The following VWA3B variants were observed in gnomAD, a reference collection of about 807,000 sequenced individuals.
VWA3B encodes the protein von Willebrand factor A domain containing 3B, also known as von Willebrand factor A domain-containing protein 3B.
Under a neutral mutation model 158.3 loss-of-function variants are expected in VWA3B, and 138 were observed. The ratio of observed to expected loss-of-function variants is 0.87; its 90% CI spans 0.76 to 1.00. The LOEUF (loss-of-function observed/expected upper bound fraction) is 1.00, where lower values mean the gene tolerates loss of function less well. Ranked by LOEUF, VWA3B falls within the 50% of genes least tolerant of loss-of-function variation. VWA3B has a pLI of 0.00. For synonymous variants in VWA3B, 596 were observed against 587.3 expected (o/e 1.01, Z -0.21); for missense variants, 1,555 against 1,565.1 (o/e 0.99, Z 0.11).
the VWA3B span, among the ~76,000 whole-genome samples, chr2:98,328,823 T>G: frequency 6.6e-6 from 1 of 152,196 alleles, no homozygotes; most frequent in African/African-American, 2.4e-5. Context: ...TGACAGAAAC[T>G]AGGAATCTTA....
At chr2:98,322,733 T>G in the VWA3B span, among the ~76,000 whole-genome samples, 5 of 152,054 alleles carry the variant, frequency 3.3e-5, no homozygotes, top group African/African-American at 1.2e-4. Flanking sequence ...AGATGGAAAT[T>G]TAAGCAAGGG....
chr2:98,250,423 C>G lies in VWA3B; in HGVS notation c.2779C>G (p.Gln927Glu), dbSNP rs1293842994. ...CAAGCGAAAAGTGGAACAGGCAATTCAATCCTATGAAAAGTGAGTATTACT... is the reference window on the plus strand; with the variant it reads ...CAAGCGAAAAGTGGAACAGGCAATTGAATCCTATGAAAAGTGAGTATTACT... ...IYKRKVEQAI[Q>E]SYEKRLNKIV... The change falls in exon 20 of 28, where the codon CAA (glutamine) becomes GAA (glutamate). Residue 927 changes from glutamine to glutamate, a missense_variant. By Grantham distance (29) the Gln-to-Glu change is conservative (BLOSUM62 2). Coordinates refer to ENST00000477737, the MANE Select transcript of VWA3B (RefSeq NM_144992.5). 6 of 1,609,868 alleles carry G rather than the reference C, an allele frequency of 3.7e-6. No individual in the cohort carries two copies. The highest frequency in any genetic ancestry group is 5.1e-6 in the Non-Finnish European group (6 of 1,178,170).
At chr2:98,182,625 C>T (rs1680688077) in intron 9 of VWA3B, among the ~76,000 whole-genome samples, 1 of 152,098 alleles carries the variant, frequency 6.6e-6, no homozygotes, top group African/African-American at 2.4e-5. Flanking sequence ...ACTAAATTTT[C>T]ATTTTAAAAA....
Position 98,211,914 on chromosome 2 carries a change from T to A in VWA3B, c.1738-16T>A. On this transcript the variant is annotated splice_polypyrimidine_tract_variant and intron_variant, in intron 12 of 27. Transcript: ENST00000477737. ...TTGGGATTCAAGTGTGTCCTTGGTGTCTCTTTTTTCCGTAGATTGGAAGCT... is the reference window on the plus strand; with the variant it reads ...TTGGGATTCAAGTGTGTCCTTGGTGACTCTTTTTTCCGTAGATTGGAAGCT... 1.2e-6 allele frequency: 2 copies of A among 1,611,450 alleles called. No individual in the cohort carries two copies. Among genetic ancestry groups the A allele is most frequent in the African/African-American group, 2.7e-5 (2 of 74,936 alleles).
At chr2:98,168,179 GAA>G (rs1328998748) in intron 8 of VWA3B, among the ~76,000 whole-genome samples, 2 of 152,164 alleles carry the variant, frequency 1.3e-5, no homozygotes, top group Admixed American at 1.3e-4. Context: ...AGAAATGGCA[GAA>G]GAGTCACTCA....
At chr2:98,135,587 G>A (rs1042327252) in intron 7 of VWA3B, among the ~76,000 whole-genome samples, 4 of 151,806 alleles carry the variant, frequency 2.6e-5, no homozygotes, top group East Asian at 1.9e-4. Flanking sequence ...CGCCCGCCTC[G>A]GCCTCCCAAA....
At chr2:98,121,020 T>C (rs1674916663) in intron 4 of VWA3B, among the ~76,000 whole-genome samples, 1 of 152,268 alleles carries the variant, frequency 6.6e-6, no homozygotes, top group Non-Finnish European at 1.5e-5. Context: ...CTTAATGTTT[T>C]AAAGGACTCA....
At position 98,312,523 on chromosome 2, in the gene VWA3B, A is replaced by C; in HGVS notation, c.*174A>C. 5 of 720,514 alleles carry C rather than the reference A, an allele frequency of 6.9e-6. No individual in the cohort carries two copies. The highest frequency in any genetic ancestry group is 1.1e-5 in the Non-Finnish European group (5 of 470,236). 44.6% of individuals were successfully genotyped at this position (720,514 alleles called of 1,614,324 possible). A position where few individuals can be genotyped will look rare whatever the true frequency, so the allele number is the denominator to read the frequency against. On this transcript the variant is annotated 3_prime_UTR_variant, in exon 28 of 28. Transcript: ENST00000477737. Reference sequence around the variant, plus strand: ...CCCCTCCATCCCTGCTGCCTCCCCTACCCGTTTGACGACTTGGTTCTGGCT... The same window carrying C: ...CCCCTCCATCCCTGCTGCCTCCCCTCCCCGTTTGACGACTTGGTTCTGGCT...
intron 8 of VWA3B, among the ~76,000 whole-genome samples, chr2:98,163,887 T>C (rs1364342890): frequency 6.6e-6 from 1 of 152,124 alleles, no homozygotes; most frequent in Admixed American, 6.5e-5. Flanking sequence ...GACTTAGGCT[T>C]TTTGCTAAAA....
the VWA3B span, among the ~76,000 whole-genome samples, chr2:98,327,443 C>G: frequency 6.6e-6 from 1 of 152,178 alleles, no homozygotes; most frequent in Admixed American, 6.5e-5. Context: ...ATAAGCAAAT[C>G]AAAGCCAGTA....
chr2:98,327,247 G>A, the VWA3B span, among the ~76,000 whole-genome samples: 3 of 151,496 alleles, frequency 2.0e-5, no homozygotes, highest in African/African-American at 7.3e-5. Flanking sequence ...GAGCCAAGAT[G>A]ATGACACTGC....
At chr2:98,250,259 C>T (rs1449406488) in intron 19 of VWA3B, 59 bp from the exon 20 acceptor site, 19 of 1,289,036 alleles carry the variant, frequency 1.5e-5, no homozygotes, top group Non-Finnish European at 1.6e-5. Flanking sequence ...GATGTATTTT[C>T]GAAGGCACGC....
chr2:98,187,169 C>T (rs143973667), intron 9 of VWA3B, among the ~76,000 whole-genome samples: 1,713 of 152,206 alleles, frequency 0.011, 29 homozygotes, highest in Non-Finnish European at 0.014. Flanking sequence ...CTAACTTGTC[C>T]GGTCTCTCCC....
chr2:98,256,863 T>G (rs1380041653), intron 21 of VWA3B, among the ~76,000 whole-genome samples: 1 of 152,216 alleles, frequency 6.6e-6, no homozygotes, highest in Non-Finnish European at 1.5e-5. Flanking sequence ...TGTGATATTT[T>G]GATACTTGCA....
intron 7 of VWA3B, among the ~76,000 whole-genome samples, chr2:98,135,476 C>CA (rs1191863688): frequency 6.7e-6 from 1 of 148,754 alleles, no homozygotes. Context: ...GCTGGGACTA[C>CA]AGGCGCCCGC....
At chr2:98,307,708 A>G (rs1558783511) in intron 26 of VWA3B, among the ~76,000 whole-genome samples, 1 of 152,184 alleles carries the variant, frequency 6.6e-6, no homozygotes, top group Non-Finnish European at 1.5e-5. Flanking sequence ...CCTCTACTTT[A>G]CTTTTTACAT....
In VWA3B at chr2:98,111,617, T is replaced by C. The variant is rs1007863037; in HGVS notation, c.197-4035T>C. 3.9e-5 allele frequency among the ~76,000 whole-genome samples: 6 copies of C among 152,164 alleles called. No homozygotes were observed. In the South Asian group the frequency reaches 8.3e-4, roughly 21 times the overall value. On this transcript the variant is annotated intron_variant, in intron 2 of 27. Transcript: ENST00000477737. Reference sequence around the variant, plus strand: ...GTGACTGGTGTGAAATGGTATCTCATTGTAGTTTTGATTTGCATTTCTCTG... The same window carrying C: ...GTGACTGGTGTGAAATGGTATCTCACTGTAGTTTTGATTTGCATTTCTCTG...
At chr2:98,149,721 G>A (rs551578797) in intron 7 of VWA3B, among the ~76,000 whole-genome samples, 1 of 152,178 alleles carries the variant, frequency 6.6e-6, no homozygotes, top group Admixed American at 6.5e-5. Context: ...GTTTCCTTTT[G>A]ATTTAGTTCT....
chr2:98,121,221 C>T, intron 4 of VWA3B, 78 bp from the exon 5 acceptor site: 1 of 1,534,596 alleles, frequency 6.5e-7, no homozygotes, highest in Non-Finnish European at 8.9e-7. Flanking sequence ...GCTTGCTGCT[C>T]ATGGCTGTGA....
Sources: allele counts gnomAD v4.1 joint callset (sites outside exome capture counted in the v4.1 genomes callset), GRCh38; gene constraint gnomAD v4.1.1; transcripts MANE v1.5; gene names NCBI Gene and HGNC (gene_info 2026-07-23, HGNC 2026-07-21).